Variants in TAMM41 observed in about 807,000 individuals in gnomAD.
TAMM41 encodes the protein TAM41 mitochondrial translocator assembly and maintenance homolog.
TAMM41 carries 36 observed loss-of-function variants against 44.1 expected under a neutral mutation model. That is an observed-to-expected ratio of 0.82 (90% CI 0.63 to 1.08). The LOEUF is 1.08. Ranked by LOEUF, TAMM41 falls within the 50% of genes least tolerant of loss-of-function variation. The probability of loss-of-function intolerance (pLI) is 0.00; values close to 1 mark genes in which losing one functional copy is unlikely to be tolerated. For missense variants in TAMM41, 417 were observed against 404.3 expected, an observed-to-expected ratio of 1.03 and a Z score of -0.27; for synonymous variants, 164 against 153.1, an observed-to-expected ratio of 1.07 and a Z score of -0.53.
the TAMM41 span, among the ~76,000 whole-genome samples, chr3:11,749,069 C>T: frequency 1.1e-4 from 16 of 151,790 alleles, no homozygotes; most frequent in Admixed American, 3.9e-4. Context: ...TGCACCACCA[C>T]ACCTGGCTAA....
chr3:11,846,161 T>G (rs1051560646), intron 1 of TAMM41, among the ~76,000 whole-genome samples: 4 of 152,230 alleles, frequency 2.6e-5, no homozygotes, highest in Non-Finnish European at 4.4e-5. Flanking sequence ...AGGATTTTCT[T>G]AAAAGCTCCC....
chr3:11,816,511 C>T (rs971334756), intron 5 of TAMM41, among the ~76,000 whole-genome samples: 1 of 152,134 alleles, frequency 6.6e-6, no homozygotes, highest in Non-Finnish European at 1.5e-5. Context: ...TCCCTATAAT[C>T]CCAGTACTTT....
chr3:11,838,976 A>G (rs1195440680), intron 3 of TAMM41, among the ~76,000 whole-genome samples: 1 of 152,170 alleles, frequency 6.6e-6, no homozygotes. Context: ...CCTAACACTC[A>G]GATATTCCAA....
At chr3:11,732,997 T>TTTTG in the TAMM41 span, among the ~76,000 whole-genome samples, 7 of 104,456 alleles carry the variant, frequency 6.7e-5, no homozygotes, top group Non-Finnish European at 1.6e-4. Context: ...GAGTTTTTTT[T>TTTTG]TTGTTTGTTT....
chr3:11,759,204 C>G, the TAMM41 span, among the ~76,000 whole-genome samples: 4 of 152,052 alleles, frequency 2.6e-5, no homozygotes, highest in Non-Finnish European at 5.9e-5. Flanking sequence ...AGAGACCCAC[C>G]TGCATTTGCT....
intron 4 of TAMM41, among the ~76,000 whole-genome samples, chr3:11,828,829 G>C (rs1436376718): frequency 6.6e-6 from 1 of 152,198 alleles, no homozygotes; most frequent in African/African-American, 2.4e-5. Context: ...AATCTTACCT[G>C]TCTGTACTGG....
chr3:11,763,386 C>T, the TAMM41 span, among the ~76,000 whole-genome samples: 1 of 152,236 alleles, frequency 6.6e-6, no homozygotes, highest in African/African-American at 2.4e-5. Flanking sequence ...AAGTGATCCT[C>T]CCACCTTGGC....
Position 11,829,792 on chromosome 3 carries a change from T to A in TAMM41, c.484A>T (p.Thr162Ser). The A allele has an allele frequency of 6.2e-7, 1 of 1,614,150 alleles. No homozygotes were observed. Among genetic ancestry groups the A allele is most frequent in the Non-Finnish European group, 8.5e-7 (1 of 1,179,992 alleles). Residue 162 changes from threonine to serine, a missense_variant, in exon 4 of 8, where the codon ACC (threonine) becomes TCC (serine). By Grantham distance (58) the Thr-to-Ser change is moderately conservative. Coordinates refer to ENST00000455809, the MANE Select transcript of TAMM41 (RefSeq NM_001284401.2). ...ALDRNLKSAV[T>S]AAFLMLPESF... is the part of the protein sequence containing the mutation. ...TCGGGGAGCATGAGGAAAGCAGCGG[T>A]CACAGCACTCTTCAGATTTCTATCG...
chr3:11,752,586 A>G, the TAMM41 span, among the ~76,000 whole-genome samples: 1 of 145,350 alleles, frequency 6.9e-6, no homozygotes. Context: ...TCGACCCAGG[A>G]AGTCCAGCTG....
chr3:11,747,882 T>TTTATTTA, the TAMM41 span, among the ~76,000 whole-genome samples: 1 of 12,134 alleles, frequency 8.2e-5, no homozygotes, highest in Non-Finnish European at 2.9e-4. Flanking sequence ...TATTTATTTA[T>TTTATTTA]TTTTTTTTTT....
chr3:11,730,148 C>T, the TAMM41 span, among the ~76,000 whole-genome samples: 1 of 152,086 alleles, frequency 6.6e-6, no homozygotes, highest in African/African-American at 2.4e-5. Context: ...CTTTGGGGCA[C>T]GATGGCTCAA....
At chr3:11,747,497 G>T in the TAMM41 span, among the ~76,000 whole-genome samples, 14 of 152,240 alleles carry the variant, frequency 9.2e-5, no homozygotes, top group Non-Finnish European at 1.9e-4. Flanking sequence ...GATGGGGCAC[G>T]GTGACTCACA....
intron 7 of TAMM41, among the ~76,000 whole-genome samples, chr3:11,798,414 G>GC (rs2077663491): frequency 6.6e-6 from 1 of 152,116 alleles, no homozygotes; most frequent in African/African-American, 2.4e-5. Context: ...ACCAAATGCT[G>GC]CATATTCTCA....
At position 11,809,526 on chromosome 3, in the gene TAMM41, C is replaced by T. The variant is rs370198129; in HGVS notation, c.865G>A (p.Val289Met). The part of the protein sequence containing the change: ...VAHDPDCGDV[V>M]RLGLSAIVRP... ...AAATTCATAAACGTACCTAGTCGCA[C>T]CACATCTCCACAGTCGGGATCATGA... The change falls in exon 6 of 8, where the codon GTG (valine) becomes ATG (methionine). Residue 289 changes from valine (V) to methionine (M), a missense_variant. By Grantham distance (21) the Val-to-Met change is conservative. Transcript: ENST00000455809. 1 of 1,613,846 alleles carries T rather than the reference C, an allele frequency of 6.2e-7. No individual in the cohort carries two copies. Among genetic ancestry groups the T allele is most frequent in the Non-Finnish European group, 8.5e-7 (1 of 1,179,980 alleles).
At chr3:11,722,458 A>G in the TAMM41 span, among the ~76,000 whole-genome samples, 1 of 152,208 alleles carries the variant, frequency 6.6e-6, no homozygotes, top group Non-Finnish European at 1.5e-5. Context: ...CCTAAATTAA[A>G]ATGACTTACA....
chr3:11,846,382 G>T, intron 1 of TAMM41, 120 bp downstream of exon 1: 1 of 1,182,934 alleles, frequency 8.5e-7, no homozygotes, highest in Non-Finnish European at 1.2e-6. Context: ...GGTTCACTCT[G>T]CTAGTGGACA....
the TAMM41 span, among the ~76,000 whole-genome samples, chr3:11,760,403 A>G: frequency 2.6e-5 from 4 of 152,120 alleles, no homozygotes; most frequent in African/African-American, 9.7e-5. Context: ...GTTGTTAATA[A>G]TTTTATTTTT....
At chr3:11,820,612 A>G (rs2078476643) in intron 4 of TAMM41, among the ~76,000 whole-genome samples, 1 of 152,206 alleles carries the variant, frequency 6.6e-6, no homozygotes, top group African/African-American at 2.4e-5. Flanking sequence ...AACTAGCTCA[A>G]CCGCAGGGGA....
chr3:11,728,940 G>A, the TAMM41 span, among the ~76,000 whole-genome samples: 17 of 149,784 alleles, frequency 1.1e-4, no homozygotes, highest in East Asian at 2.4e-3. Context: ...CCCGGGAGGC[G>A]AAGGTTGCAG....
Sources: allele counts gnomAD v4.1 joint callset (sites outside exome capture counted in the v4.1 genomes callset), GRCh38; gene constraint gnomAD v4.1.1; transcripts MANE v1.5; gene names NCBI Gene and HGNC (gene_info 2026-07-23, HGNC 2026-07-21).